RASGRP1: variants seen among roughly 807,000 people sequenced by gnomAD.
RASGRP1 encodes the protein RAS guanyl-releasing protein 1.
RASGRP1 carries 37 observed loss-of-function variants against 95.1 expected under a neutral mutation model. The observed-to-expected ratio is 0.39, with a 90% confidence interval of 0.30 to 0.51. The LOEUF is 0.51. Among genes scored for constraint, RASGRP1 ranks in the 20% least tolerant of loss-of-function variants. RASGRP1 has a pLI of 0.80. For missense variants in RASGRP1, 711 were observed against 965.4 expected, an observed-to-expected ratio of 0.74 and a Z score of 3.49; for synonymous variants, 325 against 353.4, an observed-to-expected ratio of 0.92 and a Z score of 0.90.
At chr15:38,538,534 G>C (rs1467793815) in intron 2 of RASGRP1, among the ~76,000 whole-genome samples, 2 of 152,190 alleles carry the variant, frequency 1.3e-5, no homozygotes, top group Non-Finnish European at 2.9e-5. Context: ...CTGTGTACCA[G>C]ACACTGTTTC....
chr15:38,544,798 A>G (rs1365524995), intron 2 of RASGRP1, among the ~76,000 whole-genome samples: 1 of 152,240 alleles, frequency 6.6e-6, no homozygotes, highest in Non-Finnish European at 1.5e-5. Flanking sequence ...CATGATTTGT[A>G]AAGTGCTCTC....
intron 16 of RASGRP1, among the ~76,000 whole-genome samples, chr15:38,493,075 T>C (rs1249676921): frequency 1.3e-5 from 2 of 151,816 alleles, no homozygotes; most frequent in Non-Finnish European, 2.9e-5. Context: ...AGAGATGGGG[T>C]TTCACCGTGT....
rs1199948139 is a variant in RASGRP1, at chr15:38,488,405, T to C, written c.*2149A>G. On this transcript the variant is annotated 3_prime_UTR_variant, in exon 17 of 17. Coordinates refer to ENST00000310803, the MANE Select transcript of RASGRP1 (RefSeq NM_005739.4). ...GATAAGCCAAAGCCTTTTTTTTTTT[T>C]TTCCAGATTTCTGTGATCCCACTAG... 6.6e-6 allele frequency: 1 copy of C among 151,670 alleles called. No individual in the cohort carries two copies. Among genetic ancestry groups the C allele is most frequent in the Admixed American group, 6.6e-5 (1 of 15,210 alleles). The allele number at this position is 151,670 out of a possible 1,614,324, so 9.4% of individuals were successfully genotyped here. A position where few individuals can be genotyped will look rare whatever the true frequency, so the allele number is the denominator to read the frequency against.
chr15:38,513,522 A>G (rs1330987924), intron 6 of RASGRP1, among the ~76,000 whole-genome samples: 1 of 152,216 alleles, frequency 6.6e-6, no homozygotes, highest in Non-Finnish European at 1.5e-5. Context: ...ACCTTATGCT[A>G]ATACAAGCCT....
chr15:38,526,811 T>C (rs559862758), intron 2 of RASGRP1, among the ~76,000 whole-genome samples: 29 of 152,272 alleles, frequency 1.9e-4, no homozygotes, highest in Non-Finnish European at 3.7e-4. Context: ...AGTTAAAATA[T>C]CTTACCTTTA....
Position 38,490,562 on chromosome 15 carries a change from A to C in RASGRP1, c.2386T>G (p.Cys796Gly). The change falls in exon 17 of 17, where the codon TGT becomes GGT. Residue 796 changes from cysteine (C) to glycine (G), a missense_variant. This residue lies in a region of RASGRP1 where 212 missense variants were observed against 247.8 expected (regional missense o/e 0.86). Coordinates refer to ENST00000310803, the MANE Select transcript of RASGRP1 (RefSeq NM_005739.4). ...HVLAQMEQGD[C>G]S ...GCTACTTAGTTTCTGGGCTAAGAACAGTCACCCTGCTCCATTTGAGCTAAG... is the reference window on the plus strand; with the variant it reads ...GCTACTTAGTTTCTGGGCTAAGAACCGTCACCCTGCTCCATTTGAGCTAAG... 6.2e-7 allele frequency: 1 copy of C among 1,611,408 alleles called. No homozygotes were observed. Among genetic ancestry groups the C allele is most frequent in the Non-Finnish European group, 8.5e-7 (1 of 1,178,366 alleles).
At chr15:38,533,559 T>C (rs960655850) in intron 2 of RASGRP1, among the ~76,000 whole-genome samples, 1 of 152,190 alleles carries the variant, frequency 6.6e-6, no homozygotes, top group East Asian at 1.9e-4. Context: ...GGCAGCAACT[T>C]AGGCAGGAAG....
Position 38,512,763 on chromosome 15 carries a change from G to GTTAA in RASGRP1, c.849+19_849+20insTTAA. ...GTTTACCTTATAGCCCAAGCCAAAT[G>GTTAA]TCTTAAACCAGTTATTCACCTGAGC... On this transcript the variant is annotated intron_variant, in intron 7 of 16. Coordinates refer to ENST00000310803, the MANE Select transcript of RASGRP1 (RefSeq NM_005739.4). 1 of 1,613,278 alleles carries GTTAA rather than the reference G, an allele frequency of 6.2e-7. No homozygotes were observed. The highest frequency in any genetic ancestry group is 8.5e-7 in the Non-Finnish European group (1 of 1,179,432).
At chr15:38,505,011 C>G (rs947334665) in intron 10 of RASGRP1, 2 of 152,178 alleles carry the variant, frequency 1.3e-5, no homozygotes, top group African/African-American at 4.8e-5. Context: ...TGAAATGCCT[C>G]TAACCTGAAA....
intron 2 of RASGRP1, among the ~76,000 whole-genome samples, chr15:38,556,026 A>AG (rs1893541200): frequency 6.6e-6 from 1 of 152,156 alleles, no homozygotes; most frequent in South Asian, 2.1e-4. Flanking sequence ...CCTCTTGTAA[A>AG]GGGAAAAAAA....
intron 1 of RASGRP1, among the ~76,000 whole-genome samples, chr15:38,561,047 A>T (rs571207043): frequency 6.6e-6 from 1 of 152,250 alleles, no homozygotes; most frequent in South Asian, 2.1e-4. Flanking sequence ...AACTCTCTTG[A>T]GCATTTAGTT....
chr15:38,519,421 G>GA, intron 3 of RASGRP1, 50 bp from the exon 4 acceptor site: 1 of 1,333,148 alleles, frequency 7.5e-7, no homozygotes, highest in Non-Finnish European at 1.1e-6. Context: ...GAAACCAAAC[G>GA]ACTTTTCATC....
In RASGRP1 at chr15:38,559,928, T is replaced by TGGGAG. The variant is rs1566940588; in HGVS notation, c.108_112dup (p.His38ProfsTer14). 1 of 1,613,658 alleles carries TGGGAG rather than the reference T, an allele frequency of 6.2e-7. No homozygotes were observed. On this transcript the variant is annotated frameshift_variant, in exon 2 of 17. Coordinates refer to ENST00000310803, the MANE Select transcript of RASGRP1 (RefSeq NM_005739.4). LOFTEE classifies it high-confidence loss of function. The stretch of plus-strand genomic sequence containing the variant: ...CTGGGTGATGTGGGCCAAGCTGGGA[T>TGGGAG]GGGAGGGGAAGGGGCTGTTGGCTGG...
In RASGRP1 at chr15:38,535,177, T is replaced by C. The variant is rs139128268; in HGVS notation, c.221-8773A>G. On this transcript the variant is annotated intron_variant, in intron 2 of 16. Transcript: ENST00000310803. ...AAACTGAAGCAACATGCCTCAGCCATGGTGAGTAGAGGAACCTCCACAAGA... is the reference window on the plus strand; with the variant it reads ...AAACTGAAGCAACATGCCTCAGCCACGGTGAGTAGAGGAACCTCCACAAGA... Among the ~76,000 whole-genome samples, 60 of 152,288 alleles carry C rather than the reference T, an allele frequency of 3.9e-4. No individual in the cohort carries two copies. The East Asian group carries it at 9.7e-3, about 24-fold the overall frequency.
chr15:38,518,522 G>A, intron 4 of RASGRP1, 99 bp from the exon 5 acceptor site: 1 of 1,298,986 alleles, frequency 7.7e-7, no homozygotes, highest in African/African-American at 1.5e-5. Flanking sequence ...AGAGAACTCA[G>A]AAAAAGACAA....
At chr15:38,533,736 G>A (rs946813882) in intron 2 of RASGRP1, among the ~76,000 whole-genome samples, 2 of 152,322 alleles carry the variant, frequency 1.3e-5, no homozygotes, top group South Asian at 2.1e-4. Context: ...ATCTGCTAAG[G>A]ATTAAGTCCT....
intron 2 of RASGRP1, among the ~76,000 whole-genome samples, chr15:38,557,601 A>ATATGTGTG (rs1555405014): frequency 6.9e-4 from 100 of 145,384 alleles, no homozygotes; most frequent in Middle Eastern, 3.4e-3. Flanking sequence ...TTGTATATAT[A>ATATGTGTG]TGTGTGTGTG....
At chr15:38,549,401 C>T (rs1047005659) in intron 2 of RASGRP1, among the ~76,000 whole-genome samples, 1 of 152,226 alleles carries the variant, frequency 6.6e-6, no homozygotes, top group Non-Finnish European at 1.5e-5. Context: ...AGGGACATTT[C>T]TTGGCTTCCT....
At position 38,554,106 on chromosome 15, in the gene RASGRP1, C is replaced by A. The variant is rs182428425; in HGVS notation, c.220+5715G>T. On this transcript the variant is annotated intron_variant, in intron 2 of 16. Coordinates refer to ENST00000310803, the MANE Select transcript of RASGRP1 (RefSeq NM_005739.4). ...GAGGAATTTGAATGTTCAACACACT[C>A]CCTGATTATTCCTCACGCCAAAGTT... 6.7e-4 allele frequency among the ~76,000 whole-genome samples: 101 copies of A among 151,742 alleles called. No homozygotes were observed. The East Asian group carries it at 0.019, about 28-fold the overall frequency.
Sources: allele counts gnomAD v4.1 joint callset (sites outside exome capture counted in the v4.1 genomes callset), GRCh38; gene constraint gnomAD v4.1.1; regional missense constraint gnomAD v4.1.1; transcripts MANE v1.5; gene names NCBI Gene and HGNC (gene_info 2026-07-23, HGNC 2026-07-21).